The following DPP10 variants were observed in gnomAD, a reference collection of about 807,000 sequenced individuals.
The protein encoded by DPP10 is inactive dipeptidyl peptidase 10.
In DPP10, 33 loss-of-function variants were observed where a neutral mutation model predicts 120.9. The observed-to-expected ratio is 0.27, with a 90% CI of 0.21 to 0.37. The LOEUF (loss-of-function observed/expected upper bound fraction) is 0.37, where lower values mean the gene tolerates loss of function less well. Ranked by LOEUF, DPP10 falls within the 10% of genes least tolerant of loss-of-function variation. The probability of loss-of-function intolerance (pLI) is 1.00; values close to 1 mark genes in which losing one functional copy is unlikely to be tolerated. For synonymous variants in DPP10, 337 were observed against 326.1 expected (o/e 1.03, Z -0.36); for missense variants, 816 against 942.8 (o/e 0.87, Z 1.76).
At chr2:115,585,745 G>T (rs894010877) in intron 5 of DPP10, among the ~76,000 whole-genome samples, 1 of 151,986 alleles carries the variant, frequency 6.6e-6, no homozygotes, top group African/African-American at 2.4e-5. Flanking sequence ...TTCTAGTTTA[G>T]TGATTTTTTT....
chr2:114,859,163 C>T (rs749182148), intron 1 of DPP10, among the ~76,000 whole-genome samples: 1 of 149,138 alleles, frequency 6.7e-6, no homozygotes, highest in African/African-American at 2.5e-5. Flanking sequence ...TCTGTCTCTA[C>T]TTAAAAAAAA....
chr2:115,574,524 T>C (rs975936472), intron 5 of DPP10, among the ~76,000 whole-genome samples: 1 of 152,204 alleles, frequency 6.6e-6, no homozygotes, highest in Non-Finnish European at 1.5e-5. Flanking sequence ...AACACTTAAC[T>C]AAATGGTCAT....
intron 1 of DPP10, among the ~76,000 whole-genome samples, chr2:115,039,386 A>G (rs2105289615): frequency 6.6e-6 from 1 of 152,340 alleles, no homozygotes; most frequent in East Asian, 1.9e-4. Flanking sequence ...TTAAATAACA[A>G]TAACTCCAAA....
At chr2:114,738,310 G>C (rs1335730804) in intron 1 of DPP10, among the ~76,000 whole-genome samples, 1 of 152,176 alleles carries the variant, frequency 6.6e-6, no homozygotes, top group Admixed American at 6.5e-5. Flanking sequence ...CACAACCATA[G>C]CTAGAGGCCT....
intron 2 of DPP10, among the ~76,000 whole-genome samples, chr2:115,335,771 C>T (rs940037055): frequency 6.6e-6 from 1 of 151,814 alleles, no homozygotes; most frequent in African/African-American, 2.4e-5. Context: ...AATGGAAATG[C>T]ATTAGAAGAC....
intron 1 of DPP10, among the ~76,000 whole-genome samples, chr2:114,844,630 T>G (rs187834554): frequency 3.5e-4 from 54 of 152,126 alleles, no homozygotes; most frequent in African/African-American, 1.3e-3. Context: ...TCTAGGAACA[T>G]CCTCATCATA....
chr2:115,404,340 T>A (rs2068346980), intron 3 of DPP10, among the ~76,000 whole-genome samples: 1 of 152,148 alleles, frequency 6.6e-6, no homozygotes, highest in Non-Finnish European at 1.5e-5. Flanking sequence ...ATGGTCCTAC[T>A]CATGAGAAAT....
chr2:115,354,150 G>A (rs1043395336), intron 3 of DPP10, among the ~76,000 whole-genome samples: 1 of 152,074 alleles, frequency 6.6e-6, no homozygotes, highest in Non-Finnish European at 1.5e-5. Context: ...TTAAAAAAAT[G>A]TATTCTTTCT....
At chr2:115,634,380 G>GT (rs1193150036) in intron 5 of DPP10, among the ~76,000 whole-genome samples, 1 of 152,098 alleles carries the variant, frequency 6.6e-6, no homozygotes, top group Non-Finnish European at 1.5e-5. Context: ...CTTTGGATGG[G>GT]TTTTTTTGTG....
At chr2:114,666,323 A>G (rs1697918882) in intron 1 of DPP10, among the ~76,000 whole-genome samples, 2 of 152,194 alleles carry the variant, frequency 1.3e-5, no homozygotes, top group South Asian at 4.1e-4. Context: ...AAACACATTT[A>G]TTTTCCATTC....
chr2:114,515,192 C>T (rs1573539857), intron 1 of DPP10, among the ~76,000 whole-genome samples: 1 of 152,102 alleles, frequency 6.6e-6, no homozygotes, highest in South Asian at 2.1e-4. Flanking sequence ...ATTCTACAAC[C>T]GTACCATTTT....
rs76741801 is a variant in DPP10 at position 114,962,543 on chromosome 2, T to A, written c.61-346696T>A. The stretch of plus-strand genomic sequence containing the variant: ...CCCATGTTTCAAAGCTTGTTCAAAA[T>A]GAATACTCAATAAATATTATTGATA... On this transcript the variant is annotated intron_variant, in intron 1 of 25. Transcript: ENST00000410059. 9.6e-3 allele frequency among the ~76,000 whole-genome samples: 1,460 copies of A among 152,284 alleles called. 27 individuals are homozygous for A. Among genetic ancestry groups the A allele is most frequent in the African/African-American group, 0.033 (1,391 of 41,544 alleles).
At chr2:114,899,835 C>T (rs1200760000) in intron 1 of DPP10, among the ~76,000 whole-genome samples, 2 of 152,250 alleles carry the variant, frequency 1.3e-5, no homozygotes, top group African/African-American at 2.4e-5. Context: ...TGGCGGGTGC[C>T]TGTGGTCCCA....
chr2:115,459,160 ATT>A (rs749048365), intron 3 of DPP10, among the ~76,000 whole-genome samples: 7 of 141,050 alleles, frequency 5.0e-5, no homozygotes, highest in African/African-American at 5.2e-5. Flanking sequence ...TGTGAGTTTG[ATT>A]TTTTTTTTTT....
chr2:115,281,340 C>G (rs149682137), intron 1 of DPP10, among the ~76,000 whole-genome samples: 1 of 152,252 alleles, frequency 6.6e-6, no homozygotes, highest in East Asian at 1.9e-4. Context: ...TTTCTACTAG[C>G]TAGAAGTAAG....
At chr2:115,717,217 C>G (rs2092524015) in intron 7 of DPP10, among the ~76,000 whole-genome samples, 1 of 151,978 alleles carries the variant, frequency 6.6e-6, no homozygotes, top group Non-Finnish European at 1.5e-5. Context: ...TGTCACTTTC[C>G]AATTAGGATG....
chr2:115,627,002 A>G (rs868460267), intron 5 of DPP10, among the ~76,000 whole-genome samples: 6 of 152,192 alleles, frequency 3.9e-5, no homozygotes, highest in East Asian at 1.9e-4. Context: ...GGCATACTCA[A>G]TGGTTAATAG....
At chr2:115,584,898 G>C (rs1340296428) in intron 5 of DPP10, among the ~76,000 whole-genome samples, 3 of 152,166 alleles carry the variant, frequency 2.0e-5, no homozygotes, top group Non-Finnish European at 4.4e-5. Context: ...GCCTTTGTCT[G>C]CCAGTTGAAA....
At chr2:115,746,327 A>G in intron 10 of DPP10, 144 bp downstream of exon 10, 1 of 744,300 alleles carries the variant, frequency 1.3e-6, no homozygotes, top group East Asian at 2.8e-5. Flanking sequence ...GTGAGGAATG[A>G]AGTCATTCTC....
Sources: gnomAD v4.1 joint callset for allele counts (sites outside exome capture counted in the v4.1 genomes callset) on GRCh38, gnomAD v4.1.1 for gene constraint, MANE v1.5 for transcripts, NCBI Gene and HGNC (gene_info 2026-07-23, HGNC 2026-07-21) for gene names.